NRG1: variants seen among roughly 807,000 people sequenced by gnomAD.
The protein encoded by NRG1 is pro-neuregulin-1, membrane-bound isoform.
Under a neutral mutation model 63.8 loss-of-function variants are expected in NRG1, and 18 were observed. That is an observed-to-expected ratio of 0.28 (90% CI 0.19 to 0.42). The LOEUF (loss-of-function observed/expected upper bound fraction) is 0.42, where lower values mean the gene tolerates loss of function less well. Ranked by LOEUF, NRG1 falls within the 10% of genes least tolerant of loss-of-function variation. NRG1 has a pLI of 1.00. For synonymous variants in NRG1, 302 were observed against 301.3 expected, an observed-to-expected ratio of 1.00 and a Z score of -0.02; for missense variants, 762 against 814.7, an observed-to-expected ratio of 0.94 and a Z score of 0.79.
chr8:31,805,213 T>C (rs1388173043), intron 1 of NRG1, among the ~76,000 whole-genome samples: 2 of 152,082 alleles, frequency 1.3e-5, no homozygotes, highest in African/African-American at 2.4e-5. Flanking sequence ...ATAATAAAAA[T>C]ATGGTCTGAT....
chr8:31,692,746 T>C (rs1383994175), intron 1 of NRG1, among the ~76,000 whole-genome samples: 1 of 152,186 alleles, frequency 6.6e-6, no homozygotes, highest in East Asian at 1.9e-4. Flanking sequence ...GTGATTATAT[T>C]GGGCCTGACC....
At chr8:32,555,445 T>A (rs2439311) in intron 1 of NRG1, among the ~76,000 whole-genome samples, 23,643 of 152,226 alleles carry the variant, frequency 0.16, 2,046 homozygotes, top group Middle Eastern at 0.2. Context: ...TTTGAGTGAC[T>A]AATTCTTGTG....
In NRG1 at chr8:31,869,632, C is replaced by T. The variant is rs1211534010; in HGVS notation, c.37+230201C>T. Reference sequence around the variant, plus strand: ...TCGTTTTTGCCTTTCAGGGATTATTCGTGCTCTGTGTTAGATGTGAACTTT... The same window carrying T: ...TCGTTTTTGCCTTTCAGGGATTATTTGTGCTCTGTGTTAGATGTGAACTTT... On this transcript the variant is annotated intron_variant, in intron 1 of 10. Coordinates refer to the NRG1 transcript ENST00000519301. 3.9e-5 allele frequency among the ~76,000 whole-genome samples: 6 copies of T among 152,152 alleles called. No homozygotes were observed. In the East Asian group the frequency reaches 9.6e-4, roughly 24 times the overall value.
intron 1 of NRG1, among the ~76,000 whole-genome samples, chr8:31,835,981 A>C (rs1416816679): frequency 6.6e-6 from 1 of 152,190 alleles, no homozygotes; most frequent in Non-Finnish European, 1.5e-5. Flanking sequence ...AACCCATCTA[A>C]ATTTAAATGT....
At chr8:32,261,007 A>G (rs541845777) in intron 1 of NRG1, among the ~76,000 whole-genome samples, 49 of 152,304 alleles carry the variant, frequency 3.2e-4, no homozygotes, top group African/African-American at 1.1e-3. Context: ...AAACACTTTA[A>G]TAGTTTTGTA....
At chr8:32,083,068 G>C (rs1160038584) in intron 1 of NRG1, among the ~76,000 whole-genome samples, 7 of 152,196 alleles carry the variant, frequency 4.6e-5, no homozygotes, top group Non-Finnish European at 8.8e-5. Context: ...AGCTGGAGAT[G>C]TGGGCGCAGT....
chr8:32,711,591 C>T (rs545039366), intron 5 of NRG1, among the ~76,000 whole-genome samples: 13 of 152,174 alleles, frequency 8.5e-5, no homozygotes, highest in East Asian at 5.8e-4. Context: ...TGTAATGTTA[C>T]GCTATGAATT....
chr8:32,425,089 G>C (rs1817189652), intron 1 of NRG1, among the ~76,000 whole-genome samples: 2 of 152,112 alleles, frequency 1.3e-5, no homozygotes, highest in Admixed American at 1.3e-4. Context: ...TATATCAGTA[G>C]CATTTCTCCA....
chr8:32,221,516 A>G (rs1284913779), intron 1 of NRG1, among the ~76,000 whole-genome samples: 1 of 152,248 alleles, frequency 6.6e-6, no homozygotes, highest in Non-Finnish European at 1.5e-5. Context: ...AGGCAAATAC[A>G]TAGATATTTT....
At chr8:31,695,372 G>T (rs1809953134) in intron 1 of NRG1, among the ~76,000 whole-genome samples, 1 of 152,208 alleles carries the variant, frequency 6.6e-6, no homozygotes, top group African/African-American at 2.4e-5. Flanking sequence ...GTTTTGCCCT[G>T]TTGGCGAGGC....
intron 1 of NRG1, among the ~76,000 whole-genome samples, chr8:32,453,195 T>C (rs1216337371): frequency 6.6e-6 from 1 of 152,132 alleles, no homozygotes; most frequent in Non-Finnish European, 1.5e-5. Context: ...AAAGATATTT[T>C]CCATGACACT....
At chr8:32,747,511 G>T (rs534925695) in intron 7 of NRG1, among the ~76,000 whole-genome samples, 19 of 152,034 alleles carry the variant, frequency 1.2e-4, no homozygotes, top group Non-Finnish European at 1.8e-4. Context: ...GGAGGCAAGA[G>T]AAATTTATCT....
intron 5 of NRG1, among the ~76,000 whole-genome samples, chr8:32,624,603 G>A (rs756069930): frequency 1.3e-5 from 2 of 152,116 alleles, no homozygotes; most frequent in Non-Finnish European, 2.9e-5. Flanking sequence ...AAAATAATAA[G>A]CTGGAAAACT....
At chr8:32,241,355 G>T (rs995709808) in intron 1 of NRG1, among the ~76,000 whole-genome samples, 1 of 152,124 alleles carries the variant, frequency 6.6e-6, no homozygotes, top group African/African-American at 2.4e-5. Context: ...CTCTTTATTT[G>T]TATAGTTTCC....
chr8:31,846,835 G>A (rs530779190), intron 1 of NRG1, among the ~76,000 whole-genome samples: 1 of 152,140 alleles, frequency 6.6e-6, no homozygotes, highest in South Asian at 2.1e-4. Flanking sequence ...GATTGGTGAG[G>A]CTGAAGAAAT....
At chr8:32,339,030 T>C (rs1244813028) in intron 1 of NRG1, among the ~76,000 whole-genome samples, 1 of 151,998 alleles carries the variant, frequency 6.6e-6, no homozygotes, top group African/African-American at 2.4e-5. Flanking sequence ...ATTAAATCCA[T>C]TGTTAATTTG....
intron 5 of NRG1, among the ~76,000 whole-genome samples, chr8:32,686,745 C>T (rs1810250375): frequency 2.0e-5 from 3 of 152,144 alleles, no homozygotes; most frequent in Non-Finnish European, 1.5e-5. Context: ...GATGAGGGAG[C>T]CCCGGAGACT....
At chr8:31,745,635 T>C (rs1815772405) in intron 1 of NRG1, among the ~76,000 whole-genome samples, 1 of 151,898 alleles carries the variant, frequency 6.6e-6, no homozygotes, top group Non-Finnish European at 1.5e-5. Context: ...ATCCTGGCCC[T>C]GTGGTTTACT....
chr8:32,359,084 G>T (rs1563357290), intron 1 of NRG1, among the ~76,000 whole-genome samples: 1 of 152,056 alleles, frequency 6.6e-6, no homozygotes, highest in African/African-American at 2.4e-5. Context: ...GAGATGGTGG[G>T]TGGACAATTA....
Sources: allele counts gnomAD v4.1 joint callset (sites outside exome capture counted in the v4.1 genomes callset), GRCh38; gene constraint gnomAD v4.1.1; transcripts MANE v1.5; gene names NCBI Gene and HGNC (gene_info 2026-07-23, HGNC 2026-07-21).